RAPGEF1: variants seen among roughly 807,000 people sequenced by gnomAD.
RAPGEF1 encodes CRK SH3-binding GNRP.
RAPGEF1 carries 33 observed loss-of-function variants against 143.3 expected under a neutral mutation model. The observed-to-expected ratio is 0.23, with a 90% CI of 0.17 to 0.31. The LOEUF is 0.31. Among genes scored for constraint, RAPGEF1 ranks in the 10% least tolerant of loss-of-function variants. RAPGEF1 has a pLI of 1.00. For missense variants in RAPGEF1, 1,199 were observed against 1,645.4 expected (o/e 0.73, Z 4.69); for synonymous variants, 629 against 676.5 (o/e 0.93, Z 1.09).
At chr9:131,678,944 A>C (rs1215495369) in intron 1 of RAPGEF1, among the ~76,000 whole-genome samples, 1 of 152,186 alleles carries the variant, frequency 6.6e-6, no homozygotes, top group South Asian at 2.1e-4. Context: ...TTTATGAGTG[A>C]AACTGGATAT....
At chr9:131,590,610 G>A (rs1378923877) in intron 18 of RAPGEF1, among the ~76,000 whole-genome samples, 3 of 152,172 alleles carry the variant, frequency 2.0e-5, no homozygotes, top group African/African-American at 7.2e-5. Context: ...TTTCCTGCCC[G>A]GCTGTTGTGC....
chr9:131,616,185 T>G (rs112614958), intron 12 of RAPGEF1, among the ~76,000 whole-genome samples: 116 of 152,170 alleles, frequency 7.6e-4, no homozygotes, highest in African/African-American at 2.6e-3. Context: ...GGAGAACGCT[T>G]GAACCTGGGA....
chr9:131,651,168 C>A (rs910942627), intron 1 of RAPGEF1, among the ~76,000 whole-genome samples: 2 of 152,124 alleles, frequency 1.3e-5, no homozygotes, highest in Non-Finnish European at 2.9e-5. Context: ...AAAGGCAGTC[C>A]AAATAAATAT....
intron 5 of RAPGEF1, among the ~76,000 whole-genome samples, chr9:131,631,225 C>A (rs1964759057): frequency 6.6e-6 from 1 of 152,220 alleles, no homozygotes; most frequent in Non-Finnish European, 1.5e-5. Context: ...TAAATTCACC[C>A]ATTTAAAGTG....
chr9:131,648,043 G>T (rs1970123514), intron 3 of RAPGEF1, among the ~76,000 whole-genome samples: 1 of 152,062 alleles, frequency 6.6e-6, no homozygotes, highest in African/African-American at 2.4e-5. Context: ...CTAAATGAGC[G>T]GTACTTTAGC....
At position 131,638,758 on chromosome 9, in the gene RAPGEF1, G is replaced by A; in HGVS notation, c.528C>T (p.Tyr176=). ...AGCGAATGAGGTTGGCGAGGCTTTG[G>A]TACACTCGGCTATAGCAGGAAGAGA... ...SALSSCYSRV[Y]QSLANLIRWS... Residue 176 remains tyrosine (Y), a synonymous_variant, in exon 5 of 27, where the codon TAC becomes TAT. Transcript: ENST00000683357. The A allele has an allele frequency of 6.2e-7, 1 of 1,613,862 alleles. No individual in the cohort carries two copies. The highest frequency in any genetic ancestry group is 1.1e-5 in the South Asian group (1 of 91,070).
chr9:131,660,706 A>C (rs956864073), intron 1 of RAPGEF1, among the ~76,000 whole-genome samples: 5 of 152,208 alleles, frequency 3.3e-5, no homozygotes, highest in Non-Finnish European at 5.9e-5. Flanking sequence ...ACTGCCCCCC[A>C]CTGAGCTGAA....
chr9:131,696,224 G>A (rs1834162870), intron 1 of RAPGEF1, among the ~76,000 whole-genome samples: 1 of 152,232 alleles, frequency 6.6e-6, no homozygotes, highest in African/African-American at 2.4e-5. Context: ...CTGATCCAGA[G>A]AGGGAGGGGA....
chr9:131,702,251 T>G (rs1367505844), intron 1 of RAPGEF1, among the ~76,000 whole-genome samples: 2 of 152,200 alleles, frequency 1.3e-5, no homozygotes, highest in Non-Finnish European at 2.9e-5. Flanking sequence ...CTCTTTCATG[T>G]GAAGAAACTC....
intron 1 of RAPGEF1, among the ~76,000 whole-genome samples, chr9:131,684,897 G>A (rs554260562): frequency 6.6e-6 from 1 of 152,290 alleles, no homozygotes; most frequent in African/African-American, 2.4e-5. Flanking sequence ...TGCTGAGGAG[G>A]ACCCCAACTG....
At chr9:131,613,181 G>C (rs1958313754) in intron 12 of RAPGEF1, among the ~76,000 whole-genome samples, 1 of 152,250 alleles carries the variant, frequency 6.6e-6, no homozygotes, top group Non-Finnish European at 1.5e-5. Flanking sequence ...CTGCACAGAG[G>C]AAAGCGGGGC....
At chr9:131,732,821 T>C (rs186988253) in intron 1 of RAPGEF1, among the ~76,000 whole-genome samples, 1 of 152,342 alleles carries the variant, frequency 6.6e-6, no homozygotes, top group East Asian at 1.9e-4. Context: ...GAGCACCTAT[T>C]GCGTTCAAGG....
rs911288514 is a variant in RAPGEF1, at chr9:131,621,414, C to A, written c.1905+382G>T. Among the ~76,000 whole-genome samples, 1 of 152,194 alleles carries A rather than the reference C, an allele frequency of 6.6e-6. No homozygotes were observed. Among genetic ancestry groups the A allele is most frequent in the African/African-American group, 2.4e-5 (1 of 41,442 alleles). ...AGTCCACAGATGGCTGTGCACAGAC[C>A]ATGTCCTGTGCTTTGATTGAGTCCC... On this transcript the variant is annotated intron_variant, in intron 11 of 26. Coordinates refer to ENST00000683357, the MANE Select transcript of RAPGEF1 (RefSeq NM_001377935.1). This position sits in a 1 kb window ranked among gnomAD's most constrained non-coding sequence, Gnocchi z 4.5.
intron 1 of RAPGEF1, among the ~76,000 whole-genome samples, chr9:131,702,015 C>A (rs1013878095): frequency 6.6e-6 from 1 of 152,186 alleles, no homozygotes; most frequent in Non-Finnish European, 1.5e-5. Flanking sequence ...TTCACTCCAA[C>A]GCCCTGACGT....
At chr9:131,612,402 C>G (rs998770286) in intron 12 of RAPGEF1, among the ~76,000 whole-genome samples, 3 of 151,698 alleles carry the variant, frequency 2.0e-5, no homozygotes, top group African/African-American at 7.3e-5. Flanking sequence ...TTCTCAAAGT[C>G]TACAACCAGG....
At position 131,650,302 on chromosome 9, in the gene RAPGEF1, G is replaced by T; in HGVS notation, c.202-60C>A. The T allele has an allele frequency of 2.2e-6, 3 of 1,343,110 alleles. No homozygotes were observed. Among genetic ancestry groups the T allele is most frequent in the Non-Finnish European group, 2.1e-6 (2 of 953,642 alleles). The allele number at this position is 1,343,110 out of a possible 1,614,324, so 83.2% of individuals were successfully genotyped here. ...TGAAATGGCTGTTTGAGGCCGAAGG[G>T]AGGGGTTGATGAAAGTCAATAGCTG... On this transcript the variant is annotated intron_variant, in intron 2 of 26. Coordinates refer to ENST00000683357, the MANE Select transcript of RAPGEF1 (RefSeq NM_001377935.1). The surrounding 1 kb of genome is among the most constrained non-coding windows in gnomAD (Gnocchi z 4.7).
At chr9:131,695,172 G>C (rs1174424929) in intron 1 of RAPGEF1, among the ~76,000 whole-genome samples, 1 of 152,134 alleles carries the variant, frequency 6.6e-6, no homozygotes, top group African/African-American at 2.4e-5. Context: ...ATGTTCATTA[G>C]ATAAATGCAT....
intron 1 of RAPGEF1, among the ~76,000 whole-genome samples, chr9:131,695,800 T>A (rs577974720): frequency 6.6e-6 from 1 of 152,238 alleles, no homozygotes; most frequent in Non-Finnish European, 1.5e-5. Flanking sequence ...TGTTCCCATC[T>A]CATCCTCTCC....
chr9:131,686,401 T>C (rs1833352543), intron 1 of RAPGEF1, among the ~76,000 whole-genome samples: 1 of 152,222 alleles, frequency 6.6e-6, no homozygotes, highest in South Asian at 2.1e-4. Flanking sequence ...AAGGATTCTC[T>C]GTGTGATTTT....
Sources: gnomAD v4.1 joint callset for allele counts (sites outside exome capture counted in the v4.1 genomes callset) on GRCh38, gnomAD v4.1.1 for gene constraint, Gnocchi (gnomAD v3.1) non-coding constraint, MANE v1.5 for transcripts, NCBI Gene and HGNC (gene_info 2026-07-23, HGNC 2026-07-21) for gene names.